Variants in LINS1 observed in about 807,000 individuals in gnomAD.
LINS1 encodes the protein lines homolog 1.
Under a neutral mutation model 41.6 loss-of-function variants are expected in LINS1, and 27 were observed. That is an observed-to-expected ratio of 0.65 (90% CI 0.48 to 0.89). The LOEUF (loss-of-function observed/expected upper bound fraction) is 0.89. Ranked by LOEUF, LINS1 falls within the 40% of genes least tolerant of loss-of-function variation. The pLI, the probability that LINS1 is intolerant of heterozygous loss-of-function variation, is 0.00. For synonymous variants in LINS1, 336 were observed against 312.9 expected, an observed-to-expected ratio of 1.07 and a Z score of -0.78; for missense variants, 955 against 884.1, an observed-to-expected ratio of 1.08 and a Z score of -1.02.
At chr15:100,576,179 C>T (rs2038163375) in intron 3 of LINS1, among the ~76,000 whole-genome samples, 1 of 152,056 alleles carries the variant, frequency 6.6e-6, no homozygotes, top group Non-Finnish European at 1.5e-5. Flanking sequence ...AAGATCAGAG[C>T]AGAACTGAAG....
chr15:100,573,866 G>C lies in LINS1; in HGVS notation c.1007C>G (p.Ala336Gly). 1 of 1,614,222 alleles carries C rather than the reference G, an allele frequency of 6.2e-7. No homozygotes were observed. Among genetic ancestry groups the C allele is most frequent in the Non-Finnish European group, 8.5e-7 (1 of 1,180,034 alleles). Residue 336 changes from alanine (A) to glycine (G), a missense_variant, in exon 5 of 7, where the codon GCT (alanine) becomes GGT (glycine). Ala to Gly is a moderately conservative substitution (Grantham distance 60). Transcript: ENST00000314742. ...PDHHVAVDML[A>G]LANAVLQAVN... The stretch of plus-strand genomic sequence containing the variant: ...AGCTTGCAAAACAGCATTAGCTAAA[G>C]CCAGCATGTCCACCGCTACATGATG...
At chr15:100,595,743 C>T (rs1453100164) in intron 1 of LINS1, among the ~76,000 whole-genome samples, 1 of 152,132 alleles carries the variant, frequency 6.6e-6, no homozygotes, top group Non-Finnish European at 1.5e-5. Flanking sequence ...CTGGGAAAGT[C>T]AATAGTAGGC....
Position 100,580,499 on chromosome 15 carries a change from T to G in LINS1, c.344A>C (p.Gln115Pro). The change falls in exon 2 of 7, where the codon CAG becomes CCG. Residue 115 changes from glutamine to proline, a missense_variant. By Grantham distance (76) the Gln-to-Pro change is moderately conservative (BLOSUM62 -1). Coordinates refer to ENST00000314742, the MANE Select transcript of LINS1 (RefSeq NM_001040616.3). ...GAGAATTTTAATTACATCTCTGTAC[T>G]GCTCCTTTGCATGGAACTCGGTTTT... ...SVKTEFHAKE[Q>P]YRDVIKILLE... is the part of the protein sequence containing the mutation. 1 of 1,614,064 alleles carries G rather than the reference T, an allele frequency of 6.2e-7. No individual in the cohort carries two copies. Among genetic ancestry groups the G allele is most frequent in the Non-Finnish European group, 8.5e-7 (1 of 1,179,944 alleles).
intron 1 of LINS1, among the ~76,000 whole-genome samples, chr15:100,586,821 T>C (rs185790161): frequency 3.3e-5 from 5 of 152,268 alleles, no homozygotes; most frequent in Admixed American, 2.6e-4. Context: ...GGCTAATTAA[T>C]GTTTTCAGTT....
Position 100,573,665 on chromosome 15 carries a change from G to A in LINS1, c.1208C>T (p.Ala403Val), listed in dbSNP as rs977534478. The A allele has an allele frequency of 1.3e-6, 2 of 1,594,288 alleles. No homozygotes were observed. Among genetic ancestry groups the A allele is most frequent in the Non-Finnish European group, 1.7e-6 (2 of 1,164,164 alleles). Residue 403 changes from alanine (A) to valine (V), a missense_variant, in exon 5 of 7, where the codon GCA becomes GTA. Physicochemically the swap from Ala to Val is moderately conservative, Grantham distance 64. Transcript: ENST00000314742. ...TGGAGAATTACCTTTCACTTCACTT[G>A]CTGAAGAATAATTTTGAAACTTGAT... is the stretch of plus-strand genomic sequence containing the variant. ...LEIKFQNYSSASEVKVDLQRF... is the reference protein window; with the variant it reads ...LEIKFQNYSSVSEVKVDLQRF...
At position 100,569,932 on chromosome 15, in the gene LINS1, T is replaced by C. The variant is rs1389829233; in HGVS notation, c.1580A>G (p.Tyr527Cys). 6.3e-7 allele frequency: 1 copy of C among 1,596,392 alleles called. No individual in the cohort carries two copies. The highest frequency in any genetic ancestry group is 8.6e-7 in the Non-Finnish European group (1 of 1,169,220). Reference protein sequence around the residue: ...ETCFLEYFVRYLKLLQKDWDN... With the variant: ...ETCFLEYFVRCLKLLQKDWDN... ...CCAGTCCTTTTGCAGTAATTTTAAATATCTAACAAAATATTCAAGAAAACA... is the reference window on the plus strand; with the variant it reads ...CCAGTCCTTTTGCAGTAATTTTAAACATCTAACAAAATATTCAAGAAAACA... Residue 527 changes from tyrosine (Y) to cysteine (C), a missense_variant, in exon 7 of 7, where the codon TAT becomes TGT. Coordinates refer to ENST00000314742, the MANE Select transcript of LINS1 (RefSeq NM_001040616.3).
Position 100,574,025 on chromosome 15 carries a change from A to T in LINS1, c.848T>A (p.Met283Lys), listed in dbSNP as rs780141210. ...QRILFLKPSC[M>K]LEVITWPIQA... ...AATAGGCCAGGTAATAACTTCTAGC[A>T]TGCAAGATGGTTTCAAAAATAAAAT... The change falls in exon 5 of 7, where the codon ATG becomes AAG. Residue 283 changes from methionine (M) to lysine (K), a missense_variant. Met to Lys is a moderately conservative substitution (Grantham distance 95, BLOSUM62 -1). Coordinates refer to ENST00000314742, the MANE Select transcript of LINS1 (RefSeq NM_001040616.3). The T allele has an allele frequency of 1.2e-5, 20 of 1,613,936 alleles. No homozygotes were observed. The highest frequency in any genetic ancestry group is 5.3e-5 in the African/African-American group (4 of 74,938).
chr15:100,583,699 C>T (rs2038672935), intron 1 of LINS1, among the ~76,000 whole-genome samples: 2 of 152,166 alleles, frequency 1.3e-5, no homozygotes, highest in Admixed American at 1.3e-4. Context: ...TCAGTGACTC[C>T]CTTGTTTTAT....
chr15:100,594,359 AG>A (rs1284455932), intron 1 of LINS1, among the ~76,000 whole-genome samples: 1 of 152,178 alleles, frequency 6.6e-6, no homozygotes, highest in Non-Finnish European at 1.5e-5. Flanking sequence ...TCAGACCTTC[AG>A]GGGTCTTTGA....
rs369934297 is a variant in LINS1 at position 100,574,154 on chromosome 15, C to T, written c.719G>A (p.Arg240Gln). The T allele has an allele frequency of 3.3e-5, 54 of 1,613,710 alleles. No homozygotes were observed. Among genetic ancestry groups the T allele is most frequent in the South Asian group, 1.4e-4 (13 of 91,038 alleles). The change falls in exon 5 of 7, where the codon CGG becomes CAG. Residue 240 changes from arginine to glutamine, a missense_variant. Arg to Gln is a conservative substitution (Grantham distance 43, BLOSUM62 1). Coordinates refer to ENST00000314742, the MANE Select transcript of LINS1 (RefSeq NM_001040616.3). ...GATGTTTACTATTTTAGAAGTATCC[C>T]GGCAGTTTTCAAAATGCTGAGAGAA... ...SLFSQHFENC[R>Q]DTSKIVNILM... is the part of the protein sequence containing the mutation.
At chr15:100,589,090 C>T (rs1596951900) in intron 1 of LINS1, among the ~76,000 whole-genome samples, 3 of 152,274 alleles carry the variant, frequency 2.0e-5, no homozygotes, top group East Asian at 3.9e-4. Flanking sequence ...AAACCCCAAA[C>T]TTATCAAGGT....
chr15:100,580,299 G>A lies in LINS1; in HGVS notation c.453C>T (p.Cys151=). Residue 151 remains cysteine, a synonymous_variant, in exon 3 of 7, where the codon TGC becomes TGT. Coordinates refer to ENST00000314742, the MANE Select transcript of LINS1 (RefSeq NM_001040616.3). ...ATTGGAAATATAGAAGCAATGCAAG[G>A]CACTGTGCAGCCATGTGAGATAACA... The part of the protein sequence containing the change: ...DKLLSHMAAQ[C]LALLLYFQLR... 1 of 1,612,262 alleles carries A rather than the reference G, an allele frequency of 6.2e-7. No individual in the cohort carries two copies. Among genetic ancestry groups the A allele is most frequent in the Non-Finnish European group, 8.5e-7 (1 of 1,178,676 alleles).
chr15:100,576,958 T>C (rs536644004), intron 3 of LINS1, among the ~76,000 whole-genome samples: 1 of 152,316 alleles, frequency 6.6e-6, no homozygotes, highest in Non-Finnish European at 1.5e-5. Context: ...AGAAAAGGCC[T>C]TTGACAAAAT....
chr15:100,569,250 CAT>C lies in LINS1; in HGVS notation c.2260_2261del (p.Met754GlufsTer7). The C allele has an allele frequency of 6.3e-7, 1 of 1,586,116 alleles. No homozygotes were observed. The highest frequency in any genetic ancestry group is 8.7e-7 in the Non-Finnish European group (1 of 1,155,784). On this transcript the variant is annotated frameshift_variant, in exon 7 of 7. Transcript: ENST00000314742. LOFTEE classifies it high-confidence loss of function. ...KYIEVISNKTMNTL is the reference protein window; with the variant it reads ...KYIEVISNKTXNTL ...AAATGTCAATGTTTTACAAAGTGTT[CAT>C]AGTTTTATTACTTATCACCTCTATG...
chr15:100,575,887 A>G (rs1378266882), intron 3 of LINS1, among the ~76,000 whole-genome samples: 5 of 152,334 alleles, frequency 3.3e-5, no homozygotes, highest in Non-Finnish European at 4.4e-5. Flanking sequence ...AAACCATTCA[A>G]CTACATGGAA....
rs141782332 is a variant in LINS1, at chr15:100,580,791, C to T, written c.52G>A (p.Gly18Arg). 3.8e-4 allele frequency: 619 copies of T among 1,610,368 alleles called. 2 individuals carry two copies. The African/African-American group carries it at 6.8e-3, about 18-fold the overall frequency. The change falls in exon 2 of 7, where the codon GGA becomes AGA. Residue 18 changes from glycine to arginine, a missense_variant. Gly to Arg is a moderately radical substitution (Grantham distance 125, BLOSUM62 -2). Transcript: ENST00000314742. ...TGGCTGTCATTTTCAAGTGTGGCTCCAAGAAGTACCTTCTTGTATAACTCT... is the reference window on the plus strand; with the variant it reads ...TGGCTGTCATTTTCAAGTGTGGCTCTAAGAAGTACCTTCTTGTATAACTCT... Reference protein sequence around the residue: ...LEELYKKVLLGATLENDSHDY... With the variant: ...LEELYKKVLLRATLENDSHDY...
intron 5 of LINS1, chr15:100,572,671 G>T: frequency 1.0e-6 from 1 of 986,502 alleles, no homozygotes; most frequent in Non-Finnish European, 1.2e-6. Flanking sequence ...AAGCAATTCA[G>T]TGATGTCATT....
chr15:100,570,327 C>T (rs2037754323), intron 6 of LINS1: 1 of 454,106 alleles, frequency 2.2e-6, no homozygotes. Flanking sequence ...CTGACTTTGG[C>T]AGTTCTAGTT....
Position 100,569,915 on chromosome 15 carries a change from T to A in LINS1, c.1597A>T (p.Lys533Ter), listed in dbSNP as rs1596872822. 1 of 1,602,894 alleles carries A rather than the reference T, an allele frequency of 6.2e-7. No individual in the cohort carries two copies. The highest frequency in any genetic ancestry group is 1.3e-5 in the African/African-American group (1 of 74,512). The change falls in exon 7 of 7, where the codon AAG (lysine) becomes TAG (stop). Residue 533 changes from lysine to a stop codon, truncating the protein, a stop_gained. Transcript: ENST00000314742. LOFTEE classifies it low-confidence loss of function (END_TRUNC). ...ATGGTGAAAAAATTATCCCAGTCCT[T>A]TTGCAGTAATTTTAAATATCTAACA... ...YFVRYLKLLQ[K>*]DWDNFFTICN...
Sources: gnomAD v4.1 joint callset for allele counts (sites outside exome capture counted in the v4.1 genomes callset) on GRCh38, gnomAD v4.1.1 for gene constraint, MANE v1.5 for transcripts, NCBI Gene and HGNC (gene_info 2026-07-23, HGNC 2026-07-21) for gene names.